The following OR2L13 variants were observed in gnomAD, a reference collection of about 807,000 sequenced individuals.
OR2L13 encodes olfactory receptor family 2 subfamily L member 13.
In OR2L13, 14 loss-of-function variants were observed where a neutral mutation model predicts 15.3. That is an observed-to-expected ratio of 0.91 (90% CI 0.60 to 1.43). The LOEUF is 1.43. Ranked by LOEUF, OR2L13 falls within the 40% of genes most tolerant of loss-of-function variation. OR2L13 has a pLI of 0.00. For synonymous variants in OR2L13, 152 were observed against 142.9 expected (o/e 1.06, Z -0.45); for missense variants, 367 against 387.9 (o/e 0.95, Z 0.45).
chr1:248,006,031 C>A, the OR2L13 span, among the ~76,000 whole-genome samples: 1 of 152,134 alleles, frequency 6.6e-6, no homozygotes, highest in African/African-American at 2.4e-5. Context: ...TCCATGAATA[C>A]AACAGAGATG....
At chr1:248,013,008 C>G in the OR2L13 span, among the ~76,000 whole-genome samples, 1 of 151,498 alleles carries the variant, frequency 6.6e-6, no homozygotes, top group African/African-American at 2.4e-5. Context: ...GTAGTAAGAT[C>G]AGTTTTATTA....
chr1:247,951,475 ATTG>A, the OR2L13 span, among the ~76,000 whole-genome samples: 5 of 152,160 alleles, frequency 3.3e-5, no homozygotes, highest in African/African-American at 9.7e-5. Context: ...AATAAATTCT[ATTG>A]TTCTCTTCTA....
At chr1:247,957,411 T>G in the OR2L13 span, among the ~76,000 whole-genome samples, 8 of 152,284 alleles carry the variant, frequency 5.3e-5, no homozygotes, top group East Asian at 1.9e-4. Flanking sequence ...TCTCTTTTTT[T>G]GTTGTGTCTC....
At chr1:248,023,386 C>T in the OR2L13 span, 1 of 152,098 alleles carries the variant, frequency 6.6e-6, no homozygotes, top group Non-Finnish European at 1.5e-5. Context: ...TGGGGTGAAG[C>T]CAATTTGCCT....
upstream of OR2L13, among the ~76,000 whole-genome samples, chr1:248,094,908 A>T (rs1441127288): frequency 6.6e-6 from 1 of 152,186 alleles, no homozygotes; most frequent in Non-Finnish European, 1.5e-5. Flanking sequence ...ACATAATTTA[A>T]CATCTTCTAT....
At chr1:247,969,662 C>G in the OR2L13 span, among the ~76,000 whole-genome samples, 3 of 152,160 alleles carry the variant, frequency 2.0e-5, no homozygotes, top group Non-Finnish European at 2.9e-5. Context: ...TAAATATCTC[C>G]AGATTTGAAA....
chr1:248,049,951 G>T, the OR2L13 span, among the ~76,000 whole-genome samples: 1 of 152,258 alleles, frequency 6.6e-6, no homozygotes, highest in Admixed American at 6.5e-5. Context: ...TGGATCTAGA[G>T]GAGTTTACTG....
At chr1:248,003,208 C>T in the OR2L13 span, 1 of 1,514,854 alleles carries the variant, frequency 6.6e-7, no homozygotes, top group Non-Finnish European at 9.2e-7. Flanking sequence ...GCCTTTTCCT[C>T]TTCATCCTCA....
At chr1:248,027,511 G>A in the OR2L13 span, among the ~76,000 whole-genome samples, 60 of 152,078 alleles carry the variant, frequency 3.9e-4, no homozygotes, top group East Asian at 0.01. Context: ...TTTACAGTTC[G>A]GGGGCACCAC....
chr1:248,073,677 AG>A, the OR2L13 span, among the ~76,000 whole-genome samples: 1 of 151,636 alleles, frequency 6.6e-6, no homozygotes, highest in East Asian at 1.9e-4. Flanking sequence ...AATAAAAAAA[AG>A]AAGCATGGAT....
chr1:247,953,639 A>G, the OR2L13 span, among the ~76,000 whole-genome samples: 5 of 152,216 alleles, frequency 3.3e-5, no homozygotes, highest in Admixed American at 2.6e-4. Flanking sequence ...AGCTGAAAAC[A>G]TTGAAGAAAT....
At chr1:248,061,972 A>G in the OR2L13 span, 89 of 174,464 alleles carry the variant, frequency 5.1e-4, 1 homozygote, top group Non-Finnish European at 8.4e-4. Flanking sequence ...TTTTCCAGTA[A>G]TTTTAAATTT....
chr1:248,042,785 A>G, the OR2L13 span, among the ~76,000 whole-genome samples: 1 of 152,228 alleles, frequency 6.6e-6, no homozygotes, highest in South Asian at 2.1e-4. Flanking sequence ...CATATTTTAT[A>G]ATCACTGCCT....
At chr1:247,974,314 G>A in the OR2L13 span, among the ~76,000 whole-genome samples, 5 of 152,060 alleles carry the variant, frequency 3.3e-5, no homozygotes, top group Admixed American at 3.3e-4. Context: ...AATACCTAAT[G>A]CATGCGGGGC....
At chr1:247,990,433 C>T in the OR2L13 span, 1 of 1,583,610 alleles carries the variant, frequency 6.3e-7, no homozygotes, top group Admixed American at 1.7e-5. Flanking sequence ...CATCTCCACA[C>T]ACCCATGTAT....
exon 3 of OR2L13, chr1:248,100,324 T>C (rs4146708): frequency 1.4e-5 from 21 of 1,455,352 alleles, no homozygotes; most frequent in Non-Finnish European, 2.0e-5. Flanking sequence ...ATCATGGCCA[T>C]CCCCACTCCC....
chr1:248,060,161 A>G, the OR2L13 span, among the ~76,000 whole-genome samples: 2 of 152,366 alleles, frequency 1.3e-5, no homozygotes, highest in African/African-American at 4.8e-5. Context: ...TATGTATTCA[A>G]TATAACATCT....
chr1:247,975,752 G>A, the OR2L13 span: 16 of 423,556 alleles, frequency 3.8e-5, no homozygotes, highest in East Asian at 1.9e-4. Context: ...TGCCAGGAGC[G>A]TGGAACAAAA....
the OR2L13 span, chr1:248,022,383 G>C: frequency 6.2e-7 from 1 of 1,614,160 alleles, no homozygotes. Flanking sequence ...GATGATAACA[G>C]GATCTTGGAT....
Sources: gnomAD v4.1 joint callset for allele counts (sites outside exome capture counted in the v4.1 genomes callset) on GRCh38, gnomAD v4.1.1 for gene constraint, MANE v1.5 for transcripts, NCBI Gene and HGNC (gene_info 2026-07-23, HGNC 2026-07-21) for gene names.